Variants in KLHL2 observed in about 807,000 individuals in gnomAD.
The protein encoded by KLHL2 is kelch like family member 2, also known as kelch-like protein 2.
KLHL2 carries 15 observed loss-of-function variants against 75.8 expected under a neutral mutation model. That is an observed-to-expected ratio of 0.20 (90% confidence interval 0.13 to 0.30). The LOEUF is 0.30. KLHL2 is among the 10% of genes least tolerant of loss of function. The probability of loss-of-function intolerance (pLI) is 1.00; values close to 1 mark genes in which losing one functional copy is unlikely to be tolerated. For missense variants in KLHL2, 381 were observed against 741.0 expected (o/e 0.51, Z 5.64); for synonymous variants, 214 against 251.9 (o/e 0.85, Z 1.42).
chr4:165,212,226 G>A (rs1330333010), intron 1 of KLHL2, among the ~76,000 whole-genome samples: 9 of 152,072 alleles, frequency 5.9e-5, no homozygotes, highest in African/African-American at 2.2e-4. Context: ...AAACAAATAT[G>A]TAATATTGTT....
chr4:165,228,371 A>AT (rs113698961), intron 2 of KLHL2, among the ~76,000 whole-genome samples: 5,208 of 143,946 alleles, frequency 0.036, 285 homozygotes, highest in African/African-American at 0.12. Context: ...GTCTTTTAAG[A>AT]TTTTTTTTTT....
intron 5 of KLHL2, chr4:165,279,002 C>T (rs1188116991): frequency 1.3e-6 from 2 of 1,496,942 alleles, no homozygotes; most frequent in Non-Finnish European, 1.9e-6. Flanking sequence ...TTGTTTATCC[C>T]ATTCCAAAGA....
At chr4:165,268,112 G>A (rs528574623) in intron 5 of KLHL2, among the ~76,000 whole-genome samples, 7 of 152,176 alleles carry the variant, frequency 4.6e-5, no homozygotes, top group Non-Finnish European at 8.8e-5. Flanking sequence ...GGAATTTATA[G>A]TATTCTCTCA....
At chr4:165,229,645 C>G (rs919144005) in intron 3 of KLHL2, among the ~76,000 whole-genome samples, 1 of 152,200 alleles carries the variant, frequency 6.6e-6, no homozygotes, top group African/African-American at 2.4e-5. Context: ...TACTTCAAGG[C>G]ATACAAAAAC....
chr4:165,265,104 A>G (rs1055949094), intron 5 of KLHL2, among the ~76,000 whole-genome samples: 13 of 151,920 alleles, frequency 8.6e-5, no homozygotes, highest in African/African-American at 2.9e-4. Flanking sequence ...TGAGGTTTTA[A>G]TTTGCATTTT....
chr4:165,321,952 T>C, intron 14 of KLHL2, 80 bp from the exon 15 acceptor site: 3 of 1,219,118 alleles, frequency 2.5e-6, no homozygotes, highest in South Asian at 2.4e-5. Context: ...CTTCGTATTA[T>C]AATGAAGAAT....
At chr4:165,269,821 G>A (rs62353289) in intron 5 of KLHL2, among the ~76,000 whole-genome samples, 8,198 of 151,698 alleles carry the variant, frequency 0.054, 261 homozygotes, top group Middle Eastern at 0.12. Flanking sequence ...GATTATCTTT[G>A]TCTTTGTGGT....
At chr4:165,286,970 A>G (rs1345100194) in intron 5 of KLHL2, among the ~76,000 whole-genome samples, 1 of 152,150 alleles carries the variant, frequency 6.6e-6, no homozygotes, top group Non-Finnish European at 1.5e-5. Flanking sequence ...GTGTTTTCAA[A>G]TGGTTATAAA....
At chr4:165,295,941 C>T (rs1299073014) in intron 6 of KLHL2, among the ~76,000 whole-genome samples, 2 of 152,152 alleles carry the variant, frequency 1.3e-5, no homozygotes, top group African/African-American at 4.8e-5. Flanking sequence ...GAAAACCATG[C>T]CAAAACCTGC....
intron 5 of KLHL2, among the ~76,000 whole-genome samples, chr4:165,287,667 GGTTT>G (rs997901245): frequency 9.2e-5 from 14 of 152,074 alleles, no homozygotes; most frequent in African/African-American, 2.9e-4. Context: ...GTTATTTTCT[GGTTT>G]GTTTGTTTGT....
intron 1 of KLHL2, among the ~76,000 whole-genome samples, chr4:165,213,603 G>A (rs1292671880): frequency 1.3e-5 from 2 of 152,122 alleles, no homozygotes; most frequent in East Asian, 1.9e-4. Context: ...CTGCACCTAT[G>A]TACTGACTTG....
rs150193980 is a variant in KLHL2 at position 165,258,021 on chromosome 4, C to T, written c.382-5176C>T. On this transcript the variant is annotated intron_variant, in intron 4 of 14. Transcript: ENST00000226725. ...CACAGATAAACTGAGAGTGAAGAGA[C>T]TCAGGGTTCGGTTGATGGAATAGAA... Among the ~76,000 whole-genome samples, 639 of 152,138 alleles carry T rather than the reference C, an allele frequency of 4.2e-3. 6 individuals carry two copies. Among genetic ancestry groups the T allele is most frequent in the African/African-American group, 0.015 (613 of 41,466 alleles).
intron 5 of KLHL2, among the ~76,000 whole-genome samples, chr4:165,274,241 A>G (rs535180462): frequency 6.6e-6 from 1 of 152,284 alleles, no homozygotes; most frequent in Non-Finnish European, 1.5e-5. Context: ...GCTGAGGGAA[A>G]AAAGGATGGA....
intron 9 of KLHL2, among the ~76,000 whole-genome samples, chr4:165,306,139 C>T (rs2126543522): frequency 6.6e-6 from 1 of 152,306 alleles, no homozygotes; most frequent in East Asian, 1.9e-4. Context: ...TTGAAATAGA[C>T]TTTCATTTAG....
intron 9 of KLHL2, among the ~76,000 whole-genome samples, chr4:165,308,117 T>C (rs997170767): frequency 1.4e-4 from 21 of 152,354 alleles, no homozygotes; most frequent in African/African-American, 5.1e-4. Flanking sequence ...GTTATGAAAC[T>C]AGTGATAGGA....
At chr4:165,229,062 C>G in intron 3 of KLHL2, 149 bp downstream of exon 3, 2 of 577,646 alleles carry the variant, frequency 3.5e-6, no homozygotes, top group Admixed American at 6.3e-5. Flanking sequence ...CCAAATTCCT[C>G]CTCGTCTTTG....
chr4:165,304,388 A>G (rs1745575581), intron 8 of KLHL2, among the ~76,000 whole-genome samples: 1 of 152,178 alleles, frequency 6.6e-6, no homozygotes, highest in African/African-American at 2.4e-5. Flanking sequence ...GTCATTGCCT[A>G]GTCAAGGCTG....
chr4:165,274,094 C>A (rs1054039208), intron 5 of KLHL2, among the ~76,000 whole-genome samples: 19 of 151,506 alleles, frequency 1.3e-4, no homozygotes, highest in African/African-American at 4.4e-4. Flanking sequence ...TTTTTCTTTT[C>A]CCTATCATAG....
chr4:165,278,952 G>T (rs775311346), intron 5 of KLHL2: 39 of 1,470,214 alleles, frequency 2.7e-5, no homozygotes, highest in Non-Finnish European at 3.7e-5. Context: ...CTCCGAACAT[G>T]TGGAAGAATT....
Sources: gnomAD v4.1 joint callset for allele counts (sites outside exome capture counted in the v4.1 genomes callset) on GRCh38, gnomAD v4.1.1 for gene constraint, MANE v1.5 for transcripts, NCBI Gene and HGNC (gene_info 2026-07-23, HGNC 2026-07-21) for gene names.